CERS6: variants seen among roughly 807,000 people sequenced by gnomAD.
CERS6 encodes the protein LAG1 homolog, ceramide synthase 6.
CERS6 carries 26 observed loss-of-function variants against 56.8 expected under a neutral mutation model. The ratio of observed to expected loss-of-function variants is 0.46; its 90% CI spans 0.34 to 0.63. CERS6 has a LOEUF of 0.63. Among genes scored for constraint, CERS6 ranks in the 30% least tolerant of loss-of-function variants. The pLI is 0.01. For synonymous variants in CERS6, 164 were observed against 173.3 expected (o/e 0.95, Z 0.42); for missense variants, 415 against 467.5 (o/e 0.89, Z 1.04).
intron 3 of CERS6, among the ~76,000 whole-genome samples, chr2:168,611,289 C>T (rs1684182670): frequency 1.3e-5 from 2 of 152,148 alleles, no homozygotes; most frequent in Admixed American, 1.3e-4. Context: ...CCACATTCCC[C>T]AGCATTATCA....
intron 1 of CERS6, among the ~76,000 whole-genome samples, chr2:168,537,672 A>G (rs1695289618): frequency 6.6e-6 from 1 of 152,074 alleles, no homozygotes; most frequent in Non-Finnish European, 1.5e-5. Flanking sequence ...CTTAGGGTTT[A>G]TTTCTTGAAT....
intron 9 of CERS6, 132 bp from the exon 10 acceptor site, chr2:168,769,378 A>G (rs2105471321): frequency 1.3e-6 from 1 of 770,768 alleles, no homozygotes; most frequent in Non-Finnish European, 2.0e-6. Flanking sequence ...TGCTCTGGCA[A>G]TGTTCTCATC....
Position 168,710,314 on chromosome 2 carries a change from G to A in CERS6, c.610-4687G>A, listed in dbSNP as rs191536078. On this transcript the variant is annotated intron_variant, in intron 6 of 9. Transcript: ENST00000305747. ...TATTTATTCATTTTAAAATTAAATA[G>A]AGAAAAACCCTTGTTCTCTTTCAGT... 2.4e-3 allele frequency among the ~76,000 whole-genome samples: 366 copies of A among 152,268 alleles called. 1 individual carries two copies. The highest frequency in any genetic ancestry group is 8.3e-3 in the African/African-American group (343 of 41,542).
chr2:168,487,249 T>A (rs1052856242), intron 1 of CERS6, among the ~76,000 whole-genome samples: 1 of 152,214 alleles, frequency 6.6e-6, no homozygotes, highest in Non-Finnish European at 1.5e-5. Flanking sequence ...TCCTATAGTT[T>A]TAACTATAAC....
At chr2:168,668,339 C>G (rs530620413) in intron 4 of CERS6, among the ~76,000 whole-genome samples, 140 of 152,178 alleles carry the variant, frequency 9.2e-4, no homozygotes, top group African/African-American at 3.1e-3. Flanking sequence ...TCATATTTAC[C>G]TCCTCTTTAT....
intron 2 of CERS6, among the ~76,000 whole-genome samples, chr2:168,552,066 T>A (rs1695582694): frequency 6.6e-6 from 1 of 152,124 alleles, no homozygotes; most frequent in South Asian, 2.1e-4. Flanking sequence ...TAACTTTTGG[T>A]ATGTTAGAGT....
At chr2:168,698,406 T>C (rs868298850) in intron 6 of CERS6, among the ~76,000 whole-genome samples, 4 of 152,136 alleles carry the variant, frequency 2.6e-5, no homozygotes, top group Middle Eastern at 6.8e-3. Flanking sequence ...AGGAAACTTA[T>C]AATCATAGCA....
intron 8 of CERS6, among the ~76,000 whole-genome samples, chr2:168,735,420 A>G (rs1683681930): frequency 6.6e-6 from 1 of 152,160 alleles, no homozygotes; most frequent in South Asian, 2.1e-4. Context: ...TTTCTGGGGT[A>G]AGAGGGTGTG....
chr2:168,481,375 C>T (rs1694175207), intron 1 of CERS6, among the ~76,000 whole-genome samples: 1 of 152,108 alleles, frequency 6.6e-6, no homozygotes, highest in African/African-American at 2.4e-5. Context: ...GACTGTGCCA[C>T]TGCACTCCAG....
intron 1 of CERS6, among the ~76,000 whole-genome samples, chr2:168,520,384 G>A (rs910999479): frequency 3.3e-5 from 5 of 151,974 alleles, no homozygotes; most frequent in Admixed American, 6.6e-5. Flanking sequence ...TAGGTTGTCT[G>A]TTTACTCTAT....
chr2:168,592,400 T>C lies in CERS6; in HGVS notation c.407+31078T>C, dbSNP rs1238720891. Among the ~76,000 whole-genome samples, 3 of 151,998 alleles carry C rather than the reference T, an allele frequency of 2.0e-5. No individual in the cohort carries two copies. In the East Asian group the frequency reaches 5.8e-4, roughly 30 times the overall value. ...AGGGAGGTGAGGCTAGAGAAGCAGA[T>C]GGGGCCAAGTGGGGAGGGCTCTGGA... is the stretch of plus-strand genomic sequence containing the variant. On this transcript the variant is annotated intron_variant, in intron 3 of 9. Transcript: ENST00000305747.
intron 1 of CERS6, among the ~76,000 whole-genome samples, chr2:168,499,857 G>C (rs1694548541): frequency 6.6e-6 from 1 of 152,166 alleles, no homozygotes; most frequent in Non-Finnish European, 1.5e-5. Flanking sequence ...CTGCCACCAG[G>C]TGTTTTGATA....
At chr2:168,743,724 C>T (rs905455063) in intron 8 of CERS6, among the ~76,000 whole-genome samples, 1 of 152,066 alleles carries the variant, frequency 6.6e-6, no homozygotes, top group Non-Finnish European at 1.5e-5. Context: ...ATCAACATTG[C>T]TCTCTCTTTA....
chr2:168,655,443 G>A (rs952939376), intron 4 of CERS6, among the ~76,000 whole-genome samples: 2 of 152,182 alleles, frequency 1.3e-5, no homozygotes, highest in Non-Finnish European at 2.9e-5. Context: ...TCTCCTTGCA[G>A]TATTATTTAC....
intron 1 of CERS6, among the ~76,000 whole-genome samples, chr2:168,517,376 C>A (rs1378316122): frequency 2.0e-5 from 3 of 151,762 alleles, no homozygotes; most frequent in African/African-American, 7.3e-5. Flanking sequence ...CCTGTAATCC[C>A]AGCTATTTGG....
At position 168,456,360 on chromosome 2, in the gene CERS6, G is replaced by A. The variant is rs1451982147; in HGVS notation, c.-89G>A. ...AGCGGCGGCGGCGGCACAGGCTCGG[G>A]GCCAGCCGGGCGCGCATCCCCGGGC... On this transcript the variant is annotated 5_prime_UTR_variant, in exon 1 of 10. Coordinates refer to ENST00000305747, the MANE Select transcript of CERS6 (RefSeq NM_203463.3). The surrounding 1 kb of genome is among the most constrained non-coding windows in gnomAD (Gnocchi z 4.1). 2.8e-6 allele frequency: 3 copies of A among 1,068,598 alleles called. No homozygotes were observed. The highest frequency in any genetic ancestry group is 3.7e-6 in the Non-Finnish European group (3 of 805,472). 66.2% of individuals were successfully genotyped at this position (1,068,598 alleles called of 1,614,324 possible).
chr2:168,680,326 C>A (rs570693553), intron 4 of CERS6, among the ~76,000 whole-genome samples: 81 of 152,260 alleles, frequency 5.3e-4, no homozygotes, highest in Admixed American at 1.8e-3. Flanking sequence ...ACCTTCTCAG[C>A]TGAAAATAGG....
intron 8 of CERS6, among the ~76,000 whole-genome samples, chr2:168,733,856 G>C (rs998803035): frequency 1.3e-5 from 2 of 149,236 alleles, no homozygotes; most frequent in African/African-American, 4.9e-5. Flanking sequence ...TTATCGTCAG[G>C]AAAGTTTCTC....
chr2:168,460,230 C>T (rs1693754570), intron 1 of CERS6, among the ~76,000 whole-genome samples: 1 of 151,858 alleles, frequency 6.6e-6, no homozygotes, highest in Non-Finnish European at 1.5e-5. Flanking sequence ...GTTCTCCCTC[C>T]ATCACCCATG....
Sources: gnomAD v4.1 joint callset for allele counts (sites outside exome capture counted in the v4.1 genomes callset) on GRCh38, gnomAD v4.1.1 for gene constraint, Gnocchi (gnomAD v3.1) non-coding constraint, MANE v1.5 for transcripts, NCBI Gene and HGNC (gene_info 2026-07-23, HGNC 2026-07-21) for gene names.